B3GAT2: variants seen among roughly 807,000 people sequenced by gnomAD.
B3GAT2 encodes the protein galactosylgalactosylxylosylprotein 3-beta-glucuronosyltransferase 2.
B3GAT2 carries 26 observed loss-of-function variants against 27.8 expected under a neutral mutation model. That is an observed-to-expected ratio of 0.93 (90% CI 0.68 to 1.30). The LOEUF is 1.30. B3GAT2 is among the 50% of genes most tolerant of loss of function. B3GAT2 has a pLI of 0.00. For missense variants in B3GAT2, 458 were observed against 459.0 expected (o/e 1.00, Z 0.02); for synonymous variants, 218 against 195.1 (o/e 1.12, Z -0.98).
intron 2 of B3GAT2, among the ~76,000 whole-genome samples, chr6:70,868,481 A>C (rs997486571): frequency 6.6e-6 from 1 of 152,198 alleles, no homozygotes; most frequent in African/African-American, 2.4e-5. Context: ...CCACTGCCAC[A>C]TTCTCTCTTC....
At chr6:70,919,906 C>T (rs1410790796) in intron 1 of B3GAT2, among the ~76,000 whole-genome samples, 9 of 152,148 alleles carry the variant, frequency 5.9e-5, no homozygotes, top group Admixed American at 2.0e-4. Flanking sequence ...TGAACGCCCC[C>T]GTGCTGGGAG....
intron 2 of B3GAT2, among the ~76,000 whole-genome samples, chr6:70,885,283 A>G (rs1772166576): frequency 6.6e-6 from 1 of 152,152 alleles, no homozygotes; most frequent in Non-Finnish European, 1.5e-5. Context: ...AGACTCACCT[A>G]CAGGGGCAAG....
At chr6:70,912,029 G>T (rs1317394711) in intron 1 of B3GAT2, among the ~76,000 whole-genome samples, 1 of 152,162 alleles carries the variant, frequency 6.6e-6, no homozygotes, top group Non-Finnish European at 1.5e-5. Context: ...TTGTTTGTCA[G>T]ATCTAGGAGC....
At chr6:70,907,872 T>C (rs1046129443) in intron 1 of B3GAT2, among the ~76,000 whole-genome samples, 6 of 152,230 alleles carry the variant, frequency 3.9e-5, no homozygotes, top group Non-Finnish European at 7.3e-5. Context: ...CCTCTGCAGC[T>C]GCCAATATTT....
chr6:70,910,337 T>C (rs1460996293), intron 1 of B3GAT2, among the ~76,000 whole-genome samples: 1 of 152,162 alleles, frequency 6.6e-6, no homozygotes, highest in Non-Finnish European at 1.5e-5. Context: ...CCCTCCACCC[T>C]CAAGTAGGTC....
chr6:70,924,385 GTT>G (rs970645443), intron 1 of B3GAT2, among the ~76,000 whole-genome samples: 1 of 152,140 alleles, frequency 6.6e-6, no homozygotes. Flanking sequence ...TCCCAATGAT[GTT>G]TTTTGCAGTA....
intron 2 of B3GAT2, among the ~76,000 whole-genome samples, chr6:70,863,138 C>T (rs868564103): frequency 2.0e-5 from 3 of 152,186 alleles, no homozygotes; most frequent in South Asian, 4.1e-4. Context: ...TAAGGTGATA[C>T]TGTCAAGTCA....
chr6:70,899,346 C>T (rs7750238), intron 1 of B3GAT2, among the ~76,000 whole-genome samples: 14,757 of 152,106 alleles, frequency 0.097, 759 homozygotes, highest in Middle Eastern at 0.13. Context: ...CCAGATGAAT[C>T]AAAGAAGCAA....
intron 1 of B3GAT2, among the ~76,000 whole-genome samples, chr6:70,897,603 G>C (rs1485802083): frequency 6.6e-6 from 1 of 150,474 alleles, no homozygotes; most frequent in Admixed American, 6.6e-5. Context: ...GCCAGGTGTG[G>C]TGGGGAACAC....
chr6:70,856,886 A>G lies in B3GAT2; in HGVS notation c.*4777T>C, dbSNP rs777092488. On this transcript the variant is annotated 3_prime_UTR_variant, in exon 4 of 4. Coordinates refer to ENST00000230053, the MANE Select transcript of B3GAT2 (RefSeq NM_080742.3). ...GACACCCTCTGCACCAGCAGCTGCAACCCTGTCTACAGTAACATCTGGGGA... is the reference window on the plus strand; with the variant it reads ...GACACCCTCTGCACCAGCAGCTGCAGCCCTGTCTACAGTAACATCTGGGGA... 6.2e-7 allele frequency: 1 copy of G among 1,613,402 alleles called. No individual in the cohort carries two copies. The highest frequency in any genetic ancestry group is 1.6e-4 in the Middle Eastern group (1 of 6,082).
rs1465659651 is a variant in B3GAT2 at position 70,861,314 on chromosome 6, A to G, written c.*349T>C. ...TTTAAAAACCTGTTCAAGTCTACCA[A>G]CCTGTTCAAGTCTACCAATTATAAG... On this transcript the variant is annotated 3_prime_UTR_variant, in exon 4 of 4. Coordinates refer to ENST00000230053, the MANE Select transcript of B3GAT2 (RefSeq NM_080742.3). The G allele has an allele frequency of 1.4e-5, 3 of 208,178 alleles. No individual in the cohort carries two copies. Among genetic ancestry groups the G allele is most frequent in the East Asian group, 2.1e-4 (2 of 9,380 alleles). 12.9% of individuals were successfully genotyped at this position (208,178 alleles called of 1,614,324 possible).
At chr6:70,897,904 C>A (rs1415159291) in intron 1 of B3GAT2, among the ~76,000 whole-genome samples, 1 of 151,958 alleles carries the variant, frequency 6.6e-6, no homozygotes, top group African/African-American at 2.4e-5. Context: ...ACAACTTTTT[C>A]AAAAATCAGC....
chr6:70,943,126 G>A (rs1765420366), intron 1 of B3GAT2, among the ~76,000 whole-genome samples: 1 of 152,152 alleles, frequency 6.6e-6, no homozygotes, highest in Non-Finnish European at 1.5e-5. Flanking sequence ...AGAGAACATG[G>A]CTGTCCTCCT....
At chr6:70,936,141 C>A (rs1186235611) in intron 1 of B3GAT2, among the ~76,000 whole-genome samples, 2 of 151,740 alleles carry the variant, frequency 1.3e-5, no homozygotes, top group Admixed American at 6.6e-5. Context: ...CAACAAAGAT[C>A]AAAAGAGACA....
chr6:70,917,116 T>G (rs948289178), intron 1 of B3GAT2, among the ~76,000 whole-genome samples: 2 of 152,150 alleles, frequency 1.3e-5, no homozygotes, highest in Non-Finnish European at 2.9e-5. Flanking sequence ...TTCTTCCTGG[T>G]TTAGTCTTGG....
At chr6:70,915,460 TTAGTCA>T (rs1309483765) in intron 1 of B3GAT2, among the ~76,000 whole-genome samples, 1 of 152,226 alleles carries the variant, frequency 6.6e-6, no homozygotes, top group African/African-American at 2.4e-5. Context: ...TTTTGGTGTT[TTAGTCA>T]TAAAGTCTTT....
chr6:70,882,083 T>C (rs1772108010), intron 2 of B3GAT2, among the ~76,000 whole-genome samples: 1 of 152,216 alleles, frequency 6.6e-6, no homozygotes, highest in Non-Finnish European at 1.5e-5. Context: ...ATTCTTTCTC[T>C]AACAGCAGAC....
intron 2 of B3GAT2, among the ~76,000 whole-genome samples, chr6:70,872,504 CTTTTT>C (rs70990337): frequency 8.3e-6 from 1 of 120,118 alleles, no homozygotes. Flanking sequence ...CATTCCCGTT[CTTTTT>C]TTTTTTTTTT....
chr6:70,929,416 T>C (rs1773022208), intron 1 of B3GAT2, among the ~76,000 whole-genome samples: 1 of 152,200 alleles, frequency 6.6e-6, no homozygotes, highest in Non-Finnish European at 1.5e-5. Context: ...ATTGTCTCTG[T>C]TTGCAGATGA....
Sources: gnomAD v4.1 joint callset for allele counts (sites outside exome capture counted in the v4.1 genomes callset) on GRCh38, gnomAD v4.1.1 for gene constraint, MANE v1.5 for transcripts, NCBI Gene and HGNC (gene_info 2026-07-23, HGNC 2026-07-21) for gene names.